PCDHGB3: variants seen among roughly 807,000 people sequenced by gnomAD.
PCDHGB3 encodes the protein protocadherin gamma-B3.
A neutral mutation model predicts 59.2 loss-of-function variants in PCDHGB3; 40 were observed. The ratio of observed to expected loss-of-function variants is 0.68; its 90% CI spans 0.52 to 0.88. PCDHGB3 has a LOEUF of 0.88. PCDHGB3 is among the 40% of genes least tolerant of loss of function. PCDHGB3 has a pLI of 0.00. For missense variants in PCDHGB3, 1,309 were observed against 1,187.9 expected, an observed-to-expected ratio of 1.10 and a Z score of -1.50; for synonymous variants, 581 against 503.6, an observed-to-expected ratio of 1.15 and a Z score of -2.06.
chr5:141,509,497 G>A (rs1167178592), intron 3 of PCDHGB3, among the ~76,000 whole-genome samples: 1 of 152,196 alleles, frequency 6.6e-6, no homozygotes, highest in Non-Finnish European at 1.5e-5. Flanking sequence ...TGGCATGCTG[G>A]ATGTGACGGT....
intron 1 of PCDHGB3, chr5:141,414,230 CCAT>C: frequency 6.2e-7 from 1 of 1,613,308 alleles, no homozygotes; most frequent in Non-Finnish European, 8.5e-7. Context: ...CCAGAGCTGA[CCAT>C]CACGTCTCTA....
intron 1 of PCDHGB3, among the ~76,000 whole-genome samples, chr5:141,459,742 T>C (rs2098974738): frequency 6.6e-6 from 1 of 152,248 alleles, no homozygotes; most frequent in Non-Finnish European, 1.5e-5. Context: ...TTTTAAATTT[T>C]AGCAATTCTA....
chr5:141,421,829 T>C, intron 1 of PCDHGB3: 1 of 1,613,784 alleles, frequency 6.2e-7, no homozygotes, highest in Non-Finnish European at 8.5e-7. Flanking sequence ...GAGGGAAGCC[T>C]GGACCGAGAG....
At chr5:141,384,205 ACT>A (rs1561601043) in intron 1 of PCDHGB3, 2 of 1,613,874 alleles carry the variant, frequency 1.2e-6, no homozygotes, top group East Asian at 2.2e-5. Context: ...GTCCAGGGAA[ACT>A]CACATATTCA....
chr5:141,423,230 G>A (rs1223173152), intron 1 of PCDHGB3: 1 of 1,613,872 alleles, frequency 6.2e-7, no homozygotes, highest in East Asian at 2.2e-5. Flanking sequence ...GTGGCCGACA[G>A]CATCCCCGAA....
intron 3 of PCDHGB3, among the ~76,000 whole-genome samples, chr5:141,509,952 C>T (rs954730777): frequency 7.2e-5 from 11 of 152,186 alleles, no homozygotes; most frequent in African/African-American, 2.2e-4. Flanking sequence ...CAAATGCTAC[C>T]GGGTATGGCC....
chr5:141,389,785 A>ACGCCGTCCGCCAGCGCCTTCTGGT (rs780757695), intron 1 of PCDHGB3: 1 of 1,613,332 alleles, frequency 6.2e-7, no homozygotes, highest in South Asian at 1.1e-5. Flanking sequence ...GGCGACAGGG[A>ACGCCGTCCGCCAGCGCCTTCTGGT]CGCCGTCCGC....
chr5:141,475,980 C>G (rs758066578), intron 1 of PCDHGB3: 3 of 1,028,500 alleles, frequency 2.9e-6, no homozygotes, highest in Admixed American at 2.4e-5. Context: ...ACTGAACAGC[C>G]GGCGAGCAAA....
intron 1 of PCDHGB3, among the ~76,000 whole-genome samples, chr5:141,380,689 C>T (rs570719600): frequency 4.4e-4 from 67 of 152,288 alleles, no homozygotes; most frequent in South Asian, 2.9e-3. Flanking sequence ...GCTTTGTGTT[C>T]GGAGTAGTCT....
intron 1 of PCDHGB3, chr5:141,403,395 C>T (rs758295115): frequency 3.7e-6 from 6 of 1,614,084 alleles, no homozygotes; most frequent in Admixed American, 3.3e-5. Context: ...ATCGCGGTTC[C>T]TGGAGCACGT....
intron 1 of PCDHGB3, chr5:141,398,805 T>C: frequency 1.2e-6 from 2 of 1,613,964 alleles, no homozygotes; most frequent in Non-Finnish European, 1.7e-6. Flanking sequence ...GCGGCACCAC[T>C]GAGCTCCGGA....
chr5:141,491,602 A>T lies in PCDHGB3; in HGVS notation c.2416-3205A>T. On this transcript the variant is annotated intron_variant, in intron 1 of 3. Transcript: ENST00000576222. The surrounding 1 kb of genome is among the most constrained non-coding windows in gnomAD (Gnocchi z 6.9). ...ACCGGCCTCGGACGGCAGTGACTTC[A>T]CTTTTCTAAGACCCCTCAGCGTTCA... is the stretch of plus-strand genomic sequence containing the variant. The T allele has an allele frequency of 6.2e-7, 1 of 1,613,838 alleles. No individual in the cohort carries two copies. Among genetic ancestry groups the T allele is most frequent in the Non-Finnish European group, 8.5e-7 (1 of 1,180,016 alleles).
intron 1 of PCDHGB3, among the ~76,000 whole-genome samples, chr5:141,482,843 G>A (rs1005014887): frequency 7.1e-6 from 1 of 140,154 alleles, no homozygotes; most frequent in Non-Finnish European, 1.5e-5. Flanking sequence ...AGGCCAAGGT[G>A]GGCAGATCAC....
At chr5:141,389,982 C>T in intron 1 of PCDHGB3, 1 of 1,614,034 alleles carries the variant, frequency 6.2e-7, no homozygotes, top group Non-Finnish European at 8.5e-7. Context: ...GATCTCAGTG[C>T]TCTTCCTCGT....
intron 1 of PCDHGB3, among the ~76,000 whole-genome samples, chr5:141,445,834 T>G (rs1310067225): frequency 6.6e-6 from 1 of 152,218 alleles, no homozygotes; most frequent in Middle Eastern, 3.2e-3. Context: ...GGGAGAGCCT[T>G]GTAAATCACA....
At chr5:141,447,797 T>C (rs536848880) in intron 1 of PCDHGB3, among the ~76,000 whole-genome samples, 16 of 152,022 alleles carry the variant, frequency 1.1e-4, no homozygotes, top group Admixed American at 7.9e-4. Context: ...TTTAAGAAAA[T>C]AAAATTGGCT....
chr5:141,475,550 TA>T (rs2099365126), intron 1 of PCDHGB3, among the ~76,000 whole-genome samples: 2 of 152,246 alleles, frequency 1.3e-5, no homozygotes, highest in Non-Finnish European at 2.9e-5. Context: ...AGGGTCCGGC[TA>T]ATTGTCTGTC....
Position 141,511,225 on chromosome 5 carries a change from C to A in PCDHGB3, c.*52C>A. ...GGCGGCCTCTCCCCAACCAGCCCAG[C>A]TTCTCCTTACCTGCACCCAGGCCTC... On this transcript the variant is annotated 3_prime_UTR_variant, in exon 4 of 4. Transcript: ENST00000576222. The A allele has an allele frequency of 6.2e-7, 1 of 1,601,624 alleles. No individual in the cohort carries two copies. Among genetic ancestry groups the A allele is most frequent in the Non-Finnish European group, 8.5e-7 (1 of 1,174,162 alleles).
chr5:141,501,664 TATAG>T (rs1161034391), intron 2 of PCDHGB3, among the ~76,000 whole-genome samples: 1 of 152,064 alleles, frequency 6.6e-6, no homozygotes, highest in East Asian at 1.9e-4. Flanking sequence ...TGTTGGAAAA[TATAG>T]ATAATCACAA....
Sources: gnomAD v4.1 joint callset for allele counts (sites outside exome capture counted in the v4.1 genomes callset) on GRCh38, gnomAD v4.1.1 for gene constraint, Gnocchi (gnomAD v3.1) non-coding constraint, MANE v1.5 for transcripts, NCBI Gene and HGNC (gene_info 2026-07-23, HGNC 2026-07-21) for gene names.